The following DOCK5 variants were observed in gnomAD, a reference collection of about 807,000 sequenced individuals.
DOCK5 encodes the protein dedicator of cytokinesis protein 5.
A neutral mutation model predicts 251.8 loss-of-function variants in DOCK5; 142 were observed. The observed-to-expected ratio is 0.56, with a 90% CI of 0.49 to 0.65. The LOEUF (loss-of-function observed/expected upper bound fraction) is 0.65. DOCK5 is among the 30% of genes least tolerant of loss of function. The probability of loss-of-function intolerance (pLI) is 0.00; values close to 1 mark genes in which losing one functional copy is unlikely to be tolerated. For synonymous variants in DOCK5, 842 were observed against 835.5 expected (o/e 1.01, Z -0.13); for missense variants, 2,111 against 2,312.3 (o/e 0.91, Z 1.79).
At position 25,323,934 on chromosome 8, in the gene DOCK5, G is replaced by A. The variant is rs1278167899; in HGVS notation, c.1702G>A (p.Asp568Asn). The A allele has an allele frequency of 1.2e-6, 2 of 1,612,154 alleles. No homozygotes were observed. Among genetic ancestry groups the A allele is most frequent in the South Asian group, 1.1e-5 (1 of 90,568 alleles). ...CACCACTCTGCAGGATGGGAGGCAC[G>A]ATCTGGTGGTTTATAAGGTGGTGCT... The part of the protein sequence containing the change: ...DGTTLQDGRH[D>N]LVVYKGDNKK... Residue 568 changes from aspartate to asparagine, a missense_variant, in exon 17 of 52, where the codon GAT becomes AAT. By Grantham distance (23) the Asp-to-Asn change is conservative (BLOSUM62 1). Around this residue, in one of 3 missense-constraint regions of DOCK5, gnomAD observed 1,717 missense variants for 1,892.4 expected, o/e 0.91. Transcript: ENST00000276440.
intron 43 of DOCK5, among the ~76,000 whole-genome samples, chr8:25,392,237 G>A (rs1480165013): frequency 6.6e-6 from 1 of 151,922 alleles, no homozygotes; most frequent in Non-Finnish European, 1.5e-5. Flanking sequence ...CCAGGAGGCG[G>A]AGGTTGCAGT....
intron 1 of DOCK5, among the ~76,000 whole-genome samples, chr8:25,217,344 A>G (rs1802274324): frequency 6.6e-6 from 1 of 152,038 alleles, no homozygotes; most frequent in African/African-American, 2.4e-5. Flanking sequence ...TAAACAATTA[A>G]TTATACTGAT....
chr8:25,362,468 T>C (rs868770050), intron 28 of DOCK5, among the ~76,000 whole-genome samples: 41 of 101,142 alleles, frequency 4.1e-4, no homozygotes, highest in African/African-American at 1.0e-3. Flanking sequence ...TTTTCTTTTT[T>C]TTTTTTTTTT....
At chr8:25,405,482 T>C (rs1563233500) in intron 48 of DOCK5, among the ~76,000 whole-genome samples, 1 of 152,132 alleles carries the variant, frequency 6.6e-6, no homozygotes, top group Non-Finnish European at 1.5e-5. Flanking sequence ...ACATACTCTT[T>C]AGTCTGTGGA....
At chr8:25,280,490 A>G (rs540571653) in intron 5 of DOCK5, among the ~76,000 whole-genome samples, 1 of 152,362 alleles carries the variant, frequency 6.6e-6, no homozygotes, top group African/African-American at 2.4e-5. Flanking sequence ...TCACAGCAGT[A>G]GAAATCACCA....
chr8:25,296,172 A>G (rs543138202), intron 6 of DOCK5, among the ~76,000 whole-genome samples: 2 of 152,252 alleles, frequency 1.3e-5, no homozygotes, highest in South Asian at 4.1e-4. Context: ...TGCTCTATTT[A>G]CTTCATAGTT....
In DOCK5 at chr8:25,308,825, G is replaced by A. The variant is rs764664281; in HGVS notation, c.1092G>A (p.Met364Ile). ...ETYIRQRQLI[M>I]SPLITSHVIG... is the part of the protein sequence containing the mutation. ...ACATCCGCCAGAGGCAGCTCATCAT[G>A]TCGCCTTTGATAACATCACACGTGA... The change falls in exon 12 of 52, where the codon ATG becomes ATA. Residue 364 changes from methionine (M) to isoleucine (I), a missense_variant. Coordinates refer to ENST00000276440, the MANE Select transcript of DOCK5 (RefSeq NM_024940.8). The A allele has an allele frequency of 2.5e-6, 4 of 1,613,876 alleles. No homozygotes were observed. The highest frequency in any genetic ancestry group is 2.2e-5 in the South Asian group (2 of 91,086).
chr8:25,253,847 A>G (rs897192680), intron 2 of DOCK5, among the ~76,000 whole-genome samples: 4 of 152,256 alleles, frequency 2.6e-5, no homozygotes, highest in Non-Finnish European at 4.4e-5. Flanking sequence ...ATTCAAAGCA[A>G]TCCCAATTAA....
At chr8:25,269,705 T>C (rs1803855976) in intron 3 of DOCK5, among the ~76,000 whole-genome samples, 2 of 152,252 alleles carry the variant, frequency 1.3e-5, no homozygotes, top group Admixed American at 6.5e-5. Context: ...TACTGCTCGC[T>C]GGGGCAGCAT....
chr8:25,209,391 C>T lies in DOCK5; in HGVS notation c.43+24440C>T, dbSNP rs185736524. ...TCAATAAGCGAACATTGTGAGGGAGCGGGGTGGAGGCAAGAGACCGCTTAG... is the reference window on the plus strand; with the variant it reads ...TCAATAAGCGAACATTGTGAGGGAGTGGGGTGGAGGCAAGAGACCGCTTAG... On this transcript the variant is annotated intron_variant, in intron 1 of 51. Transcript: ENST00000276440. Among the ~76,000 whole-genome samples the T allele has an allele frequency of 4.5e-3, 320 of 70,528 alleles. 89 individuals carry two copies. The highest frequency in any genetic ancestry group is 9.5e-3 in the African/African-American group (295 of 31,108). 46.3% of individuals were successfully genotyped at this position (70,528 alleles called of 152,430 possible).
chr8:25,304,216 A>C (rs1358276756), intron 10 of DOCK5, 39 bp from the exon 11 acceptor site: 1 of 1,522,066 alleles, frequency 6.6e-7, no homozygotes, highest in Admixed American at 2.0e-5. Flanking sequence ...TGAGGCATGA[A>C]GCAATTAGTT....
At chr8:25,408,962 A>T in intron 50 of DOCK5, 22 bp downstream of exon 50, 4 of 1,613,924 alleles carry the variant, frequency 2.5e-6, no homozygotes, top group Non-Finnish European at 3.4e-6. Flanking sequence ...TGTATTCCTT[A>T]TAGTCTTTTT....
At chr8:25,239,341 A>ATGTGTGTGTG (rs55869213) in intron 1 of DOCK5, among the ~76,000 whole-genome samples, 5,699 of 142,204 alleles carry the variant, frequency 0.04, 305 homozygotes, top group African/African-American at 0.13. Flanking sequence ...GTGTGTGTGT[A>ATGTGTGTGTG]TGTGTGTGTG....
chr8:25,407,253 T>G (rs1157335876), intron 48 of DOCK5, among the ~76,000 whole-genome samples: 2 of 152,098 alleles, frequency 1.3e-5, no homozygotes, highest in Non-Finnish European at 2.9e-5. Context: ...AGAATCTAGA[T>G]TACATTCTAG....
intron 1 of DOCK5, among the ~76,000 whole-genome samples, chr8:25,189,576 G>A (rs1052796587): frequency 3.2e-4 from 49 of 152,156 alleles, no homozygotes; most frequent in Admixed American, 2.2e-3. Flanking sequence ...GCCCAGGCTG[G>A]TCTGGAACTC....
chr8:25,251,238 T>C (rs1803261469), intron 2 of DOCK5, among the ~76,000 whole-genome samples: 1 of 151,990 alleles, frequency 6.6e-6, no homozygotes. Flanking sequence ...TACAACACAA[T>C]TGACCGCTGT....
chr8:25,275,527 T>A, intron 4 of DOCK5, 86 bp downstream of exon 4: 3 of 1,301,806 alleles, frequency 2.3e-6, no homozygotes, highest in African/African-American at 1.5e-5. Context: ...TAATGCCTTA[T>A]GTACGTTAAT....
At chr8:25,192,518 T>C (rs1801609164) in intron 1 of DOCK5, among the ~76,000 whole-genome samples, 1 of 152,246 alleles carries the variant, frequency 6.6e-6, no homozygotes. Context: ...TTTGTTTTTC[T>C]TTTAAGAGAT....
chr8:25,383,804 G>A (rs971873336), intron 40 of DOCK5, among the ~76,000 whole-genome samples: 1 of 151,780 alleles, frequency 6.6e-6, no homozygotes, highest in Non-Finnish European at 1.5e-5. Flanking sequence ...GCATTGAGCC[G>A]AGATCACACC....
Sources: allele counts gnomAD v4.1 joint callset (sites outside exome capture counted in the v4.1 genomes callset), GRCh38; gene constraint gnomAD v4.1.1; regional missense constraint gnomAD v4.1.1; transcripts MANE v1.5; gene names NCBI Gene and HGNC (gene_info 2026-07-23, HGNC 2026-07-21).